DOCK3: variants seen among roughly 807,000 people sequenced by gnomAD.
DOCK3 encodes dedicator of cytokinesis 3.
DOCK3 carries 60 observed loss-of-function variants against 265.6 expected under a neutral mutation model. That is an observed-to-expected ratio of 0.23 (90% CI 0.18 to 0.28). The LOEUF (loss-of-function observed/expected upper bound fraction) is 0.28. DOCK3 is among the 10% of genes least tolerant of loss of function. The pLI is 1.00. For synonymous variants in DOCK3, 881 were observed against 938.0 expected, an observed-to-expected ratio of 0.94 and a Z score of 1.11; for missense variants, 1,981 against 2,594.3, an observed-to-expected ratio of 0.76 and a Z score of 5.14.
intron 2 of DOCK3, among the ~76,000 whole-genome samples, chr3:50,824,508 A>G (rs1421253008): frequency 2.0e-5 from 3 of 152,196 alleles, no homozygotes; most frequent in African/African-American, 7.2e-5. Flanking sequence ...GATGTAGATA[A>G]CTTAAGTCTC....
intron 2 of DOCK3, among the ~76,000 whole-genome samples, chr3:50,840,446 G>T (rs1348198582): frequency 1.3e-5 from 2 of 152,180 alleles, no homozygotes; most frequent in African/African-American, 2.4e-5. Context: ...ATGTCCAGTT[G>T]TTCCAGCACC....
chr3:50,885,739 T>C (rs2048295370), intron 3 of DOCK3, among the ~76,000 whole-genome samples: 1 of 151,998 alleles, frequency 6.6e-6, no homozygotes, highest in Non-Finnish European at 1.5e-5. Context: ...GAGTAGAAGG[T>C]TTTGGGGTCC....
intron 1 of DOCK3, among the ~76,000 whole-genome samples, chr3:50,679,007 G>A (rs1428279203): frequency 6.6e-6 from 1 of 152,100 alleles, no homozygotes; most frequent in Non-Finnish European, 1.5e-5. Context: ...TAGAGATGAG[G>A]TTTCACCATG....
chr3:51,137,245 G>C (rs1024309463), intron 9 of DOCK3, among the ~76,000 whole-genome samples: 21 of 152,154 alleles, frequency 1.4e-4, no homozygotes, highest in African/African-American at 5.1e-4. Flanking sequence ...TTCCTACTCT[G>C]TTGGGTCATA....
At chr3:50,696,536 A>G (rs77134670) in intron 1 of DOCK3, among the ~76,000 whole-genome samples, 1 of 152,350 alleles carries the variant, frequency 6.6e-6, no homozygotes, top group Non-Finnish European at 1.5e-5. Context: ...ATGAGTGAAT[A>G]GGATTTTGTG....
chr3:51,286,352 C>T (rs970365348), intron 27 of DOCK3, among the ~76,000 whole-genome samples: 1 of 152,024 alleles, frequency 6.6e-6, no homozygotes, highest in Non-Finnish European at 1.5e-5. Context: ...ATGTTCATGG[C>T]TAGGAAGAAT....
In DOCK3 at chr3:50,895,884, T is replaced by C. The variant is rs113984119; in HGVS notation, c.218+5803T>C. On this transcript the variant is annotated intron_variant, in intron 4 of 52. Coordinates refer to ENST00000266037, the MANE Select transcript of DOCK3 (RefSeq NM_004947.5). ...TGGCTGCATAGTATTCCGTGGTGTG[T>C]ATGTGCCACATTTTCTTTATCAAGT... Among the ~76,000 whole-genome samples the C allele has an allele frequency of 4.6e-5, 7 of 152,330 alleles. 2 individuals are homozygous for C. The highest frequency in any genetic ancestry group is 1.7e-4 in the African/African-American group (7 of 41,582).
At chr3:50,741,703 T>C (rs1178495037) in intron 1 of DOCK3, among the ~76,000 whole-genome samples, 2 of 151,398 alleles carry the variant, frequency 1.3e-5, no homozygotes, top group Non-Finnish European at 2.9e-5. Context: ...GTTCCAAGTC[T>C]TTGCTATTGT....
intron 1 of DOCK3, among the ~76,000 whole-genome samples, chr3:50,744,183 T>G (rs2039269847): frequency 6.6e-6 from 1 of 152,230 alleles, no homozygotes; most frequent in Non-Finnish European, 1.5e-5. Context: ...ATGAAAACAT[T>G]ATAAGACATA....
chr3:50,818,081 A>G (rs2044194590), intron 2 of DOCK3, among the ~76,000 whole-genome samples: 1 of 152,182 alleles, frequency 6.6e-6, no homozygotes, highest in Admixed American at 6.5e-5. Flanking sequence ...TACTGAGCAA[A>G]ACCTAGGTTC....
rs146525093 is a variant in DOCK3 at position 51,351,984 on chromosome 3, A to G, written c.4107+1592A>G. 1.5e-3 allele frequency among the ~76,000 whole-genome samples: 228 copies of G among 152,278 alleles called. 2 individuals are homozygous for G. Among genetic ancestry groups the G allele is most frequent in the African/African-American group, 5.2e-3 (218 of 41,564 alleles). ...GAATGAGTGGAGAGACTTTCTTAAG[A>G]GGACTGGGCCTCCTTCATCTCTAGT... On this transcript the variant is annotated intron_variant, in intron 40 of 52. Coordinates refer to ENST00000266037, the MANE Select transcript of DOCK3 (RefSeq NM_004947.5).
intron 13 of DOCK3, among the ~76,000 whole-genome samples, chr3:51,213,115 C>T (rs552459682): frequency 6.6e-6 from 1 of 152,180 alleles, no homozygotes; most frequent in South Asian, 2.1e-4. Flanking sequence ...TACAATTCTG[C>T]TTGTTACTAT....
chr3:51,183,714 A>G (rs1310865531), intron 12 of DOCK3, among the ~76,000 whole-genome samples: 1 of 152,214 alleles, frequency 6.6e-6, no homozygotes, highest in Non-Finnish European at 1.5e-5. Context: ...ACGAAGGAGC[A>G]GTTTATACCA....
At chr3:50,875,987 A>G (rs894068830) in intron 3 of DOCK3, among the ~76,000 whole-genome samples, 1 of 152,160 alleles carries the variant, frequency 6.6e-6, no homozygotes, top group African/African-American at 2.4e-5. Context: ...AGCATTAAAA[A>G]AAATTCTTTA....
intron 2 of DOCK3, among the ~76,000 whole-genome samples, chr3:50,824,385 T>C (rs2044639333): frequency 6.6e-6 from 1 of 152,178 alleles, no homozygotes; most frequent in African/African-American, 2.4e-5. Flanking sequence ...TATTGATATG[T>C]TTTTGCCTAC....
intron 9 of DOCK3, among the ~76,000 whole-genome samples, chr3:51,097,609 G>A (rs1576064000): frequency 6.6e-6 from 1 of 152,220 alleles, no homozygotes; most frequent in East Asian, 1.9e-4. Context: ...TTCCAGGAGA[G>A]TGAACGGTTC....
intron 4 of DOCK3, among the ~76,000 whole-genome samples, chr3:50,909,641 GT>G (rs71633043): frequency 0.026 from 2,552 of 98,662 alleles, 14 homozygotes; most frequent in African/African-American, 0.033. Context: ...TACCCTTAAC[GT>G]TTTTTTTTTT....
intron 5 of DOCK3, among the ~76,000 whole-genome samples, chr3:51,043,415 T>C (rs1164138054): frequency 6.6e-6 from 1 of 152,138 alleles, no homozygotes; most frequent in African/African-American, 2.4e-5. Context: ...TCCTTCCTTA[T>C]ACCATATTCA....
At position 50,783,393 on chromosome 3, in the gene DOCK3, T is replaced by C. The variant is rs570915393; in HGVS notation, c.121+4635T>C. Among the ~76,000 whole-genome samples the C allele has an allele frequency of 6.6e-5, 10 of 152,222 alleles. No homozygotes were observed. In the East Asian group the frequency reaches 1.9e-3, roughly 29 times the overall value. The stretch of plus-strand genomic sequence containing the variant: ...CTTGCAAGAGTAAGGTGGCATCTCA[T>C]TGTGGTTTTAATTTGCATTTCTTAG... On this transcript the variant is annotated intron_variant, in intron 2 of 52. Coordinates refer to ENST00000266037, the MANE Select transcript of DOCK3 (RefSeq NM_004947.5).
Sources: gnomAD v4.1 joint callset for allele counts (sites outside exome capture counted in the v4.1 genomes callset) on GRCh38, gnomAD v4.1.1 for gene constraint, MANE v1.5 for transcripts, NCBI Gene and HGNC (gene_info 2026-07-23, HGNC 2026-07-21) for gene names.